ABR: variants seen among roughly 807,000 people sequenced by gnomAD.
ABR encodes ABR activator of RhoGEF and GTPase.
Under a neutral mutation model 107.2 loss-of-function variants are expected in ABR, and 35 were observed. The observed-to-expected ratio is 0.33, with a 90% CI of 0.25 to 0.43. The LOEUF (loss-of-function observed/expected upper bound fraction) is 0.43. Ranked by LOEUF, ABR falls within the 20% of genes least tolerant of loss-of-function variation. ABR has a pLI of 1.00. For synonymous variants in ABR, 498 were observed against 462.0 expected (o/e 1.08, Z -1.00); for missense variants, 815 against 1,115.2 (o/e 0.73, Z 3.83).
At chr17:1,207,096 A>C (rs9747579) in intron 1 of ABR, among the ~76,000 whole-genome samples, 14 of 34,896 alleles carry the variant, frequency 4.0e-4, no homozygotes, top group African/African-American at 7.0e-4. Context: ...AACAAACAAA[A>C]AAAAAAGCCA....
intron 16 of ABR, among the ~76,000 whole-genome samples, chr17:1,030,989 G>A (rs1417654279): frequency 3.3e-5 from 5 of 152,242 alleles, no homozygotes; most frequent in African/African-American, 1.2e-4. Flanking sequence ...TTCTATCTCA[G>A]ATTTTAATCC....
rs2036465064 is a variant in ABR, at chr17:1,084,461, T to C, written c.532-834A>G. Among the ~76,000 whole-genome samples, 1 of 152,180 alleles carries C rather than the reference T, an allele frequency of 6.6e-6. No individual in the cohort carries two copies. Among genetic ancestry groups the C allele is most frequent in the Non-Finnish European group, 1.5e-5 (1 of 68,030 alleles). ...CCCCGTCCTCACCTCTTCCACCTCC[T>C]CTACCTCCAAGGAGCCAAAGCCCCA... is the stretch of plus-strand genomic sequence containing the variant. On this transcript the variant is annotated intron_variant, in intron 4 of 22. Transcript: ENST00000302538. The surrounding 1 kb of genome is among the most constrained non-coding windows in gnomAD (Gnocchi z 4.2).
Position 1,011,487 on chromosome 17 carries a change from C to G in ABR, c.2101+359G>C. ...CACTGCCCCAGAGGGGACCTGGGGC[C>G]CTGGAGACAGCAGGTGCAGGCTCAA... On this transcript the variant is annotated intron_variant, in intron 19 of 22. Transcript: ENST00000302538. This position sits in a 1 kb window ranked among gnomAD's most constrained non-coding sequence, Gnocchi z 4.8. The G allele has an allele frequency of 5.5e-6, 1 of 180,228 alleles. No homozygotes were observed. The highest frequency in any genetic ancestry group is 1.2e-5 in the Non-Finnish European group (1 of 85,764). The allele number at this position is 180,228 out of a possible 1,614,324, so 11.2% of individuals were successfully genotyped here.
At chr17:1,224,341 G>A (rs1027556821) in intron 1 of ABR, among the ~76,000 whole-genome samples, 2 of 152,094 alleles carry the variant, frequency 1.3e-5, no homozygotes, top group South Asian at 2.1e-4. Flanking sequence ...TATCGTGCGC[G>A]GACAAAAAAG....
At chr17:1,158,343 G>A (rs769426984) in intron 1 of ABR, among the ~76,000 whole-genome samples, 1 of 151,664 alleles carries the variant, frequency 6.6e-6, no homozygotes, top group Non-Finnish European at 1.5e-5. Flanking sequence ...CAATCCAGCC[G>A]CCTCGGCCTC....
chr17:1,137,012 TC>T (rs1188495960), intron 1 of ABR, among the ~76,000 whole-genome samples: 135,796 of 149,078 alleles, frequency 0.91, 62,128 homozygotes, highest in East Asian at 0.98. Context: ...ATTTCTTTTT[TC>T]TCTCTCTCTC....
chr17:1,090,996 T>C (rs777022979), intron 4 of ABR, among the ~76,000 whole-genome samples: 1 of 152,028 alleles, frequency 6.6e-6, no homozygotes, highest in Non-Finnish European at 1.5e-5. Context: ...ACCAGAAGAC[T>C]TCTGTGAACG....
intron 1 of ABR, among the ~76,000 whole-genome samples, chr17:1,166,784 G>C (rs1043174507): frequency 2.0e-5 from 3 of 152,180 alleles, no homozygotes; most frequent in Admixed American, 2.0e-4. Context: ...CGGATCACCT[G>C]AGGTCAGGAG....
chr17:1,109,140 A>C (rs1597843426), intron 2 of ABR: 2 of 637,492 alleles, frequency 3.1e-6, no homozygotes, highest in Middle Eastern at 9.3e-4. Flanking sequence ...GGGAGGAGGG[A>C]GGAGGCGGGC....
At position 1,108,910 on chromosome 17, in the gene ABR, G is replaced by A. The variant is rs771036782; in HGVS notation, c.247-8175C>T. 7.0e-6 allele frequency: 11 copies of A among 1,570,428 alleles called. No individual in the cohort carries two copies. In the South Asian group the frequency reaches 9.3e-5, roughly 13 times the overall value. ...CAGCGCCGGCCCGGCCCCCCCCAGC[G>A]CCCAGGGCGTGTCACGCTCCCACCT... On this transcript the variant is annotated intron_variant, in intron 2 of 22. Coordinates refer to ENST00000302538, the MANE Select transcript of ABR (RefSeq NM_021962.5).
At chr17:1,218,012 T>G (rs529109869) in intron 1 of ABR, among the ~76,000 whole-genome samples, 1 of 151,432 alleles carries the variant, frequency 6.6e-6, no homozygotes, top group Non-Finnish European at 1.5e-5. Context: ...GTATTTTTAG[T>G]GGAGACGGGG....
At chr17:1,203,032 A>G (rs1404457750) in intron 1 of ABR, among the ~76,000 whole-genome samples, 1 of 151,972 alleles carries the variant, frequency 6.6e-6, no homozygotes, top group African/African-American at 2.4e-5. Flanking sequence ...GATTAAAGGC[A>G]TGCACCACCA....
intron 2 of ABR, among the ~76,000 whole-genome samples, chr17:1,123,260 C>G (rs764668690): frequency 6.6e-6 from 1 of 152,188 alleles, no homozygotes; most frequent in Non-Finnish European, 1.5e-5. Context: ...CCTACTCCTG[C>G]CTTGCGTGGC....
At chr17:1,219,469 C>T (rs1317643936) in intron 1 of ABR, among the ~76,000 whole-genome samples, 3 of 150,966 alleles carry the variant, frequency 2.0e-5, no homozygotes, top group African/African-American at 2.4e-5. Flanking sequence ...TTGCATAAGC[C>T]GTCAAGACTG....
intron 16 of ABR, among the ~76,000 whole-genome samples, chr17:1,039,363 G>T (rs1477152060): frequency 6.6e-6 from 1 of 152,168 alleles, no homozygotes; most frequent in East Asian, 1.9e-4. Flanking sequence ...CCAAAATCAG[G>T]AACACCTGGG....
intron 1 of ABR, among the ~76,000 whole-genome samples, chr17:1,138,258 T>C: frequency 6.6e-6 from 1 of 151,832 alleles, no homozygotes; most frequent in East Asian, 1.9e-4. Context: ...GCGAAACAAA[T>C]GGATGGTGAT....
intron 16 of ABR, among the ~76,000 whole-genome samples, chr17:1,044,962 C>T (rs942332926): frequency 3.3e-5 from 5 of 152,076 alleles, no homozygotes; most frequent in African/African-American, 1.2e-4. Context: ...ACAAAGTATC[C>T]AAAAAGGTGC....
At chr17:1,223,739 A>G (rs113191743) in intron 1 of ABR, among the ~76,000 whole-genome samples, 7 of 152,256 alleles carry the variant, frequency 4.6e-5, no homozygotes, top group African/African-American at 1.7e-4. Context: ...AGGCAAAGGA[A>G]AAGCAACCAC....
At chr17:1,108,328 G>C (rs1013871021) in intron 2 of ABR, among the ~76,000 whole-genome samples, 5 of 152,144 alleles carry the variant, frequency 3.3e-5, no homozygotes, top group African/African-American at 1.2e-4. Context: ...CTCTCCTACA[G>C]GACGGGTCAC....
Sources: allele counts gnomAD v4.1 joint callset (sites outside exome capture counted in the v4.1 genomes callset), GRCh38; gene constraint gnomAD v4.1.1; non-coding constraint Gnocchi (gnomAD v3.1); transcripts MANE v1.5; gene names NCBI Gene and HGNC (gene_info 2026-07-23, HGNC 2026-07-21).